The following TGIF1 variants were observed in gnomAD, a reference collection of about 807,000 sequenced individuals.
TGIF1 encodes the protein TGFB induced factor homeobox 1.
In TGIF1, 4 loss-of-function variants were observed where a neutral mutation model predicts 19.3. The observed-to-expected ratio is 0.21, with a 90% CI of 0.10 to 0.47. TGIF1 has a LOEUF of 0.47. TGIF1 is among the 20% of genes least tolerant of loss of function. TGIF1 has a pLI of 0.98. For synonymous variants in TGIF1, 122 were observed against 129.3 expected (o/e 0.94, Z 0.38); for missense variants, 275 against 341.4 (o/e 0.81, Z 1.53).
intron 2 of TGIF1, among the ~76,000 whole-genome samples, chr18:3,421,738 G>T (rs1315212809): frequency 2.9e-5 from 4 of 137,252 alleles, no homozygotes; most frequent in Non-Finnish European, 1.6e-5. Flanking sequence ...TGTTATTTTA[G>T]AGTGTACTCT....
At chr18:3,447,394 T>C (rs1037675065), upstream of TGIF1, among the ~76,000 whole-genome samples, 1 of 149,972 alleles carries the variant, frequency 6.7e-6, no homozygotes, top group Admixed American at 6.6e-5. Context: ...ATCCGTTTTA[T>C]AGCAAGGCCC....
chr18:3,415,987 A>G (rs1405335503), intron 1 of TGIF1, among the ~76,000 whole-genome samples: 1 of 152,238 alleles, frequency 6.6e-6, no homozygotes, highest in East Asian at 1.9e-4. Context: ...TCCCAAAGAT[A>G]ATTTCAAAGA....
intron 2 of TGIF1, among the ~76,000 whole-genome samples, chr18:3,437,060 G>A (rs535770595): frequency 6.6e-6 from 1 of 152,182 alleles, no homozygotes; most frequent in Admixed American, 6.5e-5. Flanking sequence ...AGCCGAGATT[G>A]CGCCACTGCA....
chr18:3,429,973 G>A (rs2082525861), intron 2 of TGIF1, among the ~76,000 whole-genome samples: 1 of 152,200 alleles, frequency 6.6e-6, no homozygotes, highest in South Asian at 2.1e-4. Flanking sequence ...TAGCCAACAT[G>A]GCAAAACCCC....
intron 2 of TGIF1, among the ~76,000 whole-genome samples, chr18:3,444,290 T>TC (rs568796528): frequency 3.8e-5 from 5 of 131,030 alleles, no homozygotes; most frequent in South Asian, 4.2e-4. Context: ...TCTTTTCTTT[T>TC]TTTTTTTTTT....
At chr18:3,443,984 G>A (rs2082707896) in intron 2 of TGIF1, among the ~76,000 whole-genome samples, 1 of 150,470 alleles carries the variant, frequency 6.6e-6, no homozygotes, top group Non-Finnish European at 1.5e-5. Context: ...ACCCAGGCTG[G>A]ACTGCAGTGG....
At chr18:3,448,691 T>TC, upstream of TGIF1, 1 of 690,014 alleles carries the variant, frequency 1.4e-6, no homozygotes, top group Non-Finnish European at 1.8e-6. Flanking sequence ...AACTCTGGCC[T>TC]CCACGCATTC....
At chr18:3,421,916 G>A (rs866303735) in intron 2 of TGIF1, among the ~76,000 whole-genome samples, 12 of 151,942 alleles carry the variant, frequency 7.9e-5, no homozygotes, top group Non-Finnish European at 1.0e-4. Flanking sequence ...GATATTGGCC[G>A]GGCACAGTGG....
chr18:3,457,642 G>T lies in TGIF1; in HGVS notation c.521G>T (p.Cys174Phe), dbSNP rs2049403511. ...GTTTTGGCTCGTCCATCAGTGATCT[G>T]CCATACCACTGTGACTGCATTGAAA... ...GSVLARPSVI[C>F]HTTVTALKDV... The change falls in exon 3 of 3, where the codon TGC becomes TTC. Residue 174 changes from cysteine to phenylalanine, a missense_variant. Transcript: ENST00000343820. The surrounding 1 kb of genome is among the most constrained non-coding windows in gnomAD (Gnocchi z 4.9). The T allele has an allele frequency of 1.2e-6, 2 of 1,614,196 alleles. No individual in the cohort carries two copies. Among genetic ancestry groups the T allele is most frequent in the Non-Finnish European group, 1.7e-6 (2 of 1,180,040 alleles).
intron 2 of TGIF1, among the ~76,000 whole-genome samples, chr18:3,438,446 G>C (rs1427782910): frequency 6.6e-6 from 1 of 152,044 alleles, no homozygotes; most frequent in Non-Finnish European, 1.5e-5. Flanking sequence ...CTAAAGGTCA[G>C]AATGTTATGT....
Position 3,450,418 on chromosome 18 carries a change from T to G in TGIF1, c.-72T>G, listed in dbSNP as rs1326162530. Reference sequence around the variant, plus strand: ...AGTCGGCTGTGAAGGAGACGTTCGCTTATCCCCTGTGTCCCCGCTCCTGGC... The same window carrying G: ...AGTCGGCTGTGAAGGAGACGTTCGCGTATCCCCTGTGTCCCCGCTCCTGGC... On this transcript the variant is annotated 5_prime_UTR_variant, in exon 1 of 3. Transcript: ENST00000343820. The G allele has an allele frequency of 1.3e-6, 2 of 1,550,650 alleles. No individual in the cohort carries two copies. Among genetic ancestry groups the G allele is most frequent in the East Asian group, 4.9e-5 (2 of 40,912 alleles).
intron 2 of TGIF1, among the ~76,000 whole-genome samples, chr18:3,424,583 T>C (rs923948741): frequency 2.0e-5 from 3 of 150,590 alleles, no homozygotes; most frequent in African/African-American, 7.3e-5. Context: ...TGAATTGACC[T>C]TTGGGTGGGT....
rs1272229484 is a variant in TGIF1 at position 3,458,784 on chromosome 18, A to C, written c.*844A>C. Reference sequence around the variant, plus strand: ...TGAGTTTTCAGAAGAAAACAACGCAAGCAATCTCTTGCCCTTTTTCCACGT... The same window carrying C: ...TGAGTTTTCAGAAGAAAACAACGCACGCAATCTCTTGCCCTTTTTCCACGT... On this transcript the variant is annotated 3_prime_UTR_variant, in exon 3 of 3. Coordinates refer to ENST00000343820, the MANE Select transcript of TGIF1 (RefSeq NM_003244.4). 1 of 152,274 alleles carries C rather than the reference A, an allele frequency of 6.6e-6. No individual in the cohort carries two copies. The highest frequency in any genetic ancestry group is 1.5e-5 in the Non-Finnish European group (1 of 68,058). The allele number at this position is 152,274 out of a possible 1,614,324, so 9.4% of individuals were successfully genotyped here.
At position 3,451,580 on chromosome 18, in the gene TGIF1, A is replaced by T. The variant is rs771227902; in HGVS notation, c.16+1075A>T. 1 of 1,028,252 alleles carries T rather than the reference A, an allele frequency of 9.7e-7. No homozygotes were observed. Among genetic ancestry groups the T allele is most frequent in the African/African-American group, 1.7e-5 (1 of 58,972 alleles). 63.7% of individuals were successfully genotyped at this position (1,028,252 alleles called of 1,614,324 possible). On this transcript the variant is annotated intron_variant, in intron 1 of 2. Transcript: ENST00000343820. This position sits in a 1 kb window ranked among gnomAD's most constrained non-coding sequence, Gnocchi z 5.4. ...CTGCGCATGCCCGGGAGCCGCCTGG[A>T]GTTTGGAACTCCACATTCTTTCAGA...
upstream of TGIF1, chr18:3,449,798 G>A (rs2082842462): frequency 4.1e-6 from 4 of 985,668 alleles, no homozygotes; most frequent in Non-Finnish European, 4.8e-6. Context: ...TCCCGGGGGT[G>A]GAGGAGGGAA....
At chr18:3,433,865 G>A (rs2082582212) in intron 2 of TGIF1, among the ~76,000 whole-genome samples, 1 of 152,074 alleles carries the variant, frequency 6.6e-6, no homozygotes, top group Non-Finnish European at 1.5e-5. Context: ...ATTTAAAATT[G>A]GTCAAAATGG....
At chr18:3,446,654 A>T (rs1202875188), upstream of TGIF1, among the ~76,000 whole-genome samples, 1 of 152,164 alleles carries the variant, frequency 6.6e-6, no homozygotes, top group African/African-American at 2.4e-5. Flanking sequence ...AGCTGAGGAG[A>T]ATTATCCTGA....
In TGIF1 at chr18:3,454,744, T is replaced by A. The variant is rs566604842; in HGVS notation, c.17-1610T>A. ...TGGCAGTTAAAACTTAGGATTCTTG[T>A]GCAGTTTATTTGTAGCTGTTTGTTA... On this transcript the variant is annotated intron_variant, in intron 1 of 2. Transcript: ENST00000343820. Among the ~76,000 whole-genome samples the A allele has an allele frequency of 3.0e-4, 46 of 152,362 alleles. 2 individuals carry two copies. The South Asian group carries it at 9.3e-3, about 31-fold the overall frequency.
At position 3,457,301 on chromosome 18, in the gene TGIF1, C is replaced by T. The variant is rs2049386833; in HGVS notation, c.244-64C>T. ...AAGATCAATTAGGTACCCCATAGAA[C>T]ATTCTCAGAACCCGTTGGCTGAGTG... On this transcript the variant is annotated intron_variant, in intron 2 of 2. Transcript: ENST00000343820. This position sits in a 1 kb window ranked among gnomAD's most constrained non-coding sequence, Gnocchi z 4.9. 18 of 1,536,596 alleles carry T rather than the reference C, an allele frequency of 1.2e-5. No individual in the cohort carries two copies. The highest frequency in any genetic ancestry group is 1.4e-5 in the Non-Finnish European group (16 of 1,116,536).
Sources: gnomAD v4.1 joint callset for allele counts (sites outside exome capture counted in the v4.1 genomes callset) on GRCh38, gnomAD v4.1.1 for gene constraint, Gnocchi (gnomAD v3.1) non-coding constraint, MANE v1.5 for transcripts, NCBI Gene and HGNC (gene_info 2026-07-23, HGNC 2026-07-21) for gene names.